The following ABRAXAS2 variants were observed in gnomAD, a reference collection of about 807,000 sequenced individuals.
The protein encoded by ABRAXAS2 is BRISC complex subunit Abraxas 2.
In ABRAXAS2, 23 loss-of-function variants were observed where a neutral mutation model predicts 49.0. The observed-to-expected ratio is 0.47, with a 90% confidence interval of 0.34 to 0.66. The LOEUF is 0.66. ABRAXAS2 is among the 30% of genes least tolerant of loss of function. The probability of loss-of-function intolerance (pLI) is 0.01; values close to 1 mark genes in which losing one functional copy is unlikely to be tolerated. For synonymous variants in ABRAXAS2, 168 were observed against 180.2 expected, an observed-to-expected ratio of 0.93 and a Z score of 0.54; for missense variants, 443 against 511.9, an observed-to-expected ratio of 0.87 and a Z score of 1.30.
chr10:124,812,586 T>C (rs1051364566), intron 2 of ABRAXAS2, among the ~76,000 whole-genome samples: 1 of 152,098 alleles, frequency 6.6e-6, no homozygotes, highest in Admixed American at 6.5e-5. Flanking sequence ...GAGGCTACAG[T>C]GAACTGTGAT....
chr10:124,829,647 G>A (rs1046287169), intron 7 of ABRAXAS2, among the ~76,000 whole-genome samples, 170 bp downstream of exon 7: 5 of 152,162 alleles, frequency 3.3e-5, no homozygotes, highest in Admixed American at 6.6e-5. Flanking sequence ...ATGCCGTCTC[G>A]CAGAAGCCTG....
Position 124,812,315 on chromosome 10 carries a change from ATTATC to A in ABRAXAS2, c.164-4257_164-4253del, listed in dbSNP as rs572806423. The stretch of plus-strand genomic sequence containing the variant: ...CCTCATGGACAAAACGTTTACTAGT[ATTATC>A]TTAAATGTGTTGTTCCCATTGTAAC... On this transcript the variant is annotated intron_variant, in intron 2 of 8. Coordinates refer to ENST00000298492, the MANE Select transcript of ABRAXAS2 (RefSeq NM_032182.4). Among the ~76,000 whole-genome samples the A allele has an allele frequency of 6.7e-3, 1,022 of 152,296 alleles. 9 individuals are homozygous for A. The highest frequency in any genetic ancestry group is 0.017 in the Admixed American group (262 of 15,286).
chr10:124,824,658 A>G (rs1274468202), intron 4 of ABRAXAS2, among the ~76,000 whole-genome samples: 2 of 152,220 alleles, frequency 1.3e-5, no homozygotes, highest in African/African-American at 4.8e-5. Flanking sequence ...CTGCTAGTCA[A>G]TGAGTATTTC....
intron 1 of ABRAXAS2, among the ~76,000 whole-genome samples, chr10:124,802,776 C>T (rs866353586): frequency 1.9e-4 from 29 of 152,216 alleles, no homozygotes; most frequent in African/African-American, 7.0e-4. Context: ...ACTCATTAAA[C>T]CTATGTGTGG....
At chr10:124,823,900 C>T (rs533660246) in intron 4 of ABRAXAS2, among the ~76,000 whole-genome samples, 1 of 152,236 alleles carries the variant, frequency 6.6e-6, no homozygotes, top group Admixed American at 6.5e-5. Context: ...ATGAGAATGA[C>T]AGGAGAATCT....
chr10:124,802,320 C>T (rs1397323710), intron 1 of ABRAXAS2, among the ~76,000 whole-genome samples: 2 of 152,210 alleles, frequency 1.3e-5, no homozygotes, highest in Admixed American at 6.5e-5. Flanking sequence ...CTCAGCCCCG[C>T]CCGCCGGTCT....
rs368569863 is a variant in ABRAXAS2 at position 124,801,856 on chromosome 10, C to T, written c.27C>T (p.Thr9=). 312 of 1,613,376 alleles carry T rather than the reference C, an allele frequency of 1.9e-4. No homozygotes were observed. Among genetic ancestry groups the T allele is most frequent in the Non-Finnish European group, 2.4e-4 (280 of 1,179,842 alleles). Residue 9 remains threonine, a synonymous_variant, in exon 1 of 9, where the codon ACC becomes ACT. Coordinates refer to ENST00000298492, the MANE Select transcript of ABRAXAS2 (RefSeq NM_032182.4). MAASISGY[T]FSAVCFHSAN... ...TGGCGGCGTCCATTTCGGGCTACAC[C>T]TTCAGTGCTGTGTGTTTCCACAGCG... is the stretch of plus-strand genomic sequence containing the variant.
At chr10:124,806,778 G>T (rs1311787057) in intron 1 of ABRAXAS2, 53 bp from the exon 2 acceptor site, 1 of 1,233,272 alleles carries the variant, frequency 8.1e-7, no homozygotes. Flanking sequence ...CTTAATTTCA[G>T]TAAAAGTCAT....
At chr10:124,805,479 ATTGT>A (rs1950736227) in intron 1 of ABRAXAS2, among the ~76,000 whole-genome samples, 1 of 152,212 alleles carries the variant, frequency 6.6e-6, no homozygotes, top group Non-Finnish European at 1.5e-5. Flanking sequence ...GTACAAGGGC[ATTGT>A]TTCAACAAAT....
intron 4 of ABRAXAS2, among the ~76,000 whole-genome samples, chr10:124,820,647 A>G (rs1467759652): frequency 6.6e-6 from 1 of 151,772 alleles, no homozygotes; most frequent in African/African-American, 2.4e-5. Context: ...ACACCTGGCT[A>G]ATTTTTACAT....
chr10:124,807,426 G>A (rs1321703160), intron 2 of ABRAXAS2, among the ~76,000 whole-genome samples: 1 of 151,898 alleles, frequency 6.6e-6, no homozygotes, highest in Non-Finnish European at 1.5e-5. Context: ...GCTGAGGCAG[G>A]TGGATCACCT....
chr10:124,803,347 CA>C (rs1264828202), intron 1 of ABRAXAS2, among the ~76,000 whole-genome samples: 6 of 152,276 alleles, frequency 3.9e-5, no homozygotes, highest in African/African-American at 1.4e-4. Context: ...AACTTTGCCA[CA>C]ATTATAGATG....
chr10:124,816,582 A>G lies in ABRAXAS2; in HGVS notation c.170A>G (p.His57Arg). The G allele has an allele frequency of 6.2e-7, 1 of 1,600,926 alleles. No individual in the cohort carries two copies. Among genetic ancestry groups the G allele is most frequent in the South Asian group, 1.1e-5 (1 of 90,676 alleles). The change falls in exon 3 of 9, where the codon CAT becomes CGT. Residue 57 changes from histidine (H) to arginine (R), a missense_variant. Physicochemically the swap from His to Arg is conservative, Grantham distance 29 (BLOSUM62 0). Coordinates refer to ENST00000298492, the MANE Select transcript of ABRAXAS2 (RefSeq NM_032182.4). ...NTEFLQVIEI[H>R]NHQPCSKLFS... ...TTCCTCTTTCTAATTACAGAAATCC[A>G]TAACCATCAGCCTTGTTCAAAACTT...
intron 1 of ABRAXAS2, among the ~76,000 whole-genome samples, chr10:124,805,139 C>T (rs1415057509): frequency 1.3e-5 from 2 of 152,030 alleles, no homozygotes; most frequent in African/African-American, 4.8e-5. Flanking sequence ...CGAGACCATC[C>T]TGGCTAACAA....
At chr10:124,828,956 A>T in intron 6 of ABRAXAS2, 81 bp downstream of exon 6, 1 of 1,460,698 alleles carries the variant, frequency 6.8e-7, no homozygotes, top group Non-Finnish European at 9.3e-7. Context: ...GGTGTATGGA[A>T]AAATGTAAAA....
At chr10:124,818,199 A>G (rs1483664114) in intron 3 of ABRAXAS2, among the ~76,000 whole-genome samples, 1 of 152,132 alleles carries the variant, frequency 6.6e-6, no homozygotes, top group African/African-American at 2.4e-5. Flanking sequence ...GATCGAGACC[A>G]TCCTGGTTAA....
chr10:124,826,983 A>G, intron 5 of ABRAXAS2, among the ~76,000 whole-genome samples, 198 bp downstream of exon 5: 1 of 151,120 alleles, frequency 6.6e-6, no homozygotes, highest in East Asian at 2.0e-4. Context: ...ATTCCCAGCT[A>G]CTCGGGAGGC....
intron 4 of ABRAXAS2, among the ~76,000 whole-genome samples, chr10:124,823,595 G>A (rs139022078): frequency 3.3e-5 from 5 of 152,184 alleles, no homozygotes; most frequent in African/African-American, 1.2e-4. Context: ...GACAATAAAC[G>A]TGCCCATATT....
rs1950913338 is a variant in ABRAXAS2 at position 124,828,847 on chromosome 10, A to G, written c.550A>G (p.Ser184Gly). ...GTCTTCAGTGCCAAATACTTCTCAG[A>G]GTTATGCCAAAGTGATTAAAGAACA... ...KVSSVPNTSQ[S>G]YAKVIKEHGT... Residue 184 changes from serine to glycine, a missense_variant, in exon 6 of 9, where the codon AGT becomes GGT. Around this residue, in one of 3 missense-constraint regions of ABRAXAS2, gnomAD observed 166 missense variants for 247.3 expected, o/e 0.67. Coordinates refer to ENST00000298492, the MANE Select transcript of ABRAXAS2 (RefSeq NM_032182.4). 1 of 1,613,862 alleles carries G rather than the reference A, an allele frequency of 6.2e-7. No individual in the cohort carries two copies. Among genetic ancestry groups the G allele is most frequent in the South Asian group, 1.1e-5 (1 of 91,076 alleles).
Sources: gnomAD v4.1 joint callset for allele counts (sites outside exome capture counted in the v4.1 genomes callset) on GRCh38, gnomAD v4.1.1 for gene constraint, gnomAD v4.1.1 regional missense constraint, MANE v1.5 for transcripts, NCBI Gene and HGNC (gene_info 2026-07-23, HGNC 2026-07-21) for gene names.